The following ADRA1A variants were observed in gnomAD, a reference collection of about 807,000 sequenced individuals.
ADRA1A encodes alpha-1A adrenergic receptor.
In ADRA1A, 31 loss-of-function variants were observed where a neutral mutation model predicts 29.6. The ratio of observed to expected loss-of-function variants is 1.05; its 90% CI spans 0.79 to 1.41. The LOEUF (loss-of-function observed/expected upper bound fraction) is 1.41. Ranked by LOEUF, ADRA1A falls within the 40% of genes most tolerant of loss-of-function variation. ADRA1A has a pLI of 0.00. For synonymous variants in ADRA1A, 311 were observed against 254.3 expected, an observed-to-expected ratio of 1.22 and a Z score of -2.12; for missense variants, 619 against 601.1, an observed-to-expected ratio of 1.03 and a Z score of -0.31.
downstream of ADRA1A, chr8:26,765,794 C>T: frequency 7.8e-7 from 1 of 1,283,860 alleles, no homozygotes; most frequent in South Asian, 2.4e-5. Context: ...AGGACCTGAG[C>T]AGACCAGCCC....
At chr8:26,858,809 C>T (rs1342744893) in intron 2 of ADRA1A, among the ~76,000 whole-genome samples, 1 of 152,180 alleles carries the variant, frequency 6.6e-6, no homozygotes, top group Non-Finnish European at 1.5e-5. Context: ...GCACCCCCCT[C>T]CCTTGAAGGC....
chr8:26,866,920 G>C lies in ADRA1A; in HGVS notation c.-687+16C>G. On this transcript the variant is annotated intron_variant, in intron 1 of 2. Transcript: ENST00000380573. This position sits in a 1 kb window ranked among gnomAD's most constrained non-coding sequence, Gnocchi z 5.7. The stretch of plus-strand genomic sequence containing the variant: ...ACCCACTCGGCCCTGCGGGACGCCG[G>C]CCCCGGCGCACTCACCTGAAGCGCC... 1 of 985,402 alleles carries C rather than the reference G, an allele frequency of 1.0e-6. No individual in the cohort carries two copies. Among genetic ancestry groups the C allele is most frequent in the Non-Finnish European group, 1.2e-6 (1 of 829,960 alleles). The allele number at this position is 985,402 out of a possible 1,614,324, so 61.0% of individuals were successfully genotyped here.
At position 26,815,847 on chromosome 8, in the gene ADRA1A, A is replaced by G. The variant is rs898601905; in HGVS notation, c.884-45181T>C. The stretch of plus-strand genomic sequence containing the variant: ...CTATAAAACAAAGGGTAAGGCAGTG[A>G]GTGATTAAGTGCTAATGCTTCTCTG... On this transcript the variant is annotated intron_variant, in intron 2 of 2. Transcript: ENST00000380573. The surrounding 1 kb of genome is among the most constrained non-coding windows in gnomAD (Gnocchi z 4.2). Among the ~76,000 whole-genome samples the G allele has an allele frequency of 6.6e-6, 1 of 152,218 alleles. No homozygotes were observed. Among genetic ancestry groups the G allele is most frequent in the African/African-American group, 2.4e-5 (1 of 41,456 alleles).
At chr8:26,799,907 C>G (rs963476655) in intron 2 of ADRA1A, among the ~76,000 whole-genome samples, 5 of 152,038 alleles carry the variant, frequency 3.3e-5, no homozygotes, top group Non-Finnish European at 7.4e-5. Context: ...ATTGCCAATT[C>G]AATGTGAAAA....
downstream of ADRA1A, chr8:26,766,033 T>C (rs1258171632): frequency 6.2e-7 from 1 of 1,613,048 alleles, no homozygotes; most frequent in Non-Finnish European, 8.5e-7. Context: ...ACTGCCTAGG[T>C]CTCCAGCTAC....
chr8:26,824,446 C>G (rs1249687984), intron 2 of ADRA1A, among the ~76,000 whole-genome samples: 2 of 152,102 alleles, frequency 1.3e-5, no homozygotes, highest in Non-Finnish European at 2.9e-5. Flanking sequence ...GGCCATGATA[C>G]CAACATTGTA....
intron 2 of ADRA1A, 127 bp downstream of exon 2, chr8:26,863,960 G>A (rs1813664665): frequency 2.1e-6 from 2 of 960,856 alleles, no homozygotes; most frequent in Admixed American, 2.9e-5. Context: ...TTTTCTAATT[G>A]CCCTAGAGCT....
In ADRA1A at chr8:26,769,591, C is replaced by T. The variant is rs990523521; in HGVS notation, c.*558G>A. 1 of 985,432 alleles carries T rather than the reference C, an allele frequency of 1.0e-6. No individual in the cohort carries two copies. The highest frequency in any genetic ancestry group is 1.7e-5 in the African/African-American group (1 of 57,240). The allele number at this position is 985,432 out of a possible 1,614,324, so 61.0% of individuals were successfully genotyped here. A position where few individuals can be genotyped will look rare whatever the true frequency, so the allele number is the denominator to read the frequency against. On this transcript the variant is annotated 3_prime_UTR_variant, in exon 3 of 3. Coordinates refer to ENST00000380573, the MANE Select transcript of ADRA1A (RefSeq NM_000680.4). ...GTAAACCTCACTGCCAAGTTTCCCT[C>T]AAGCTGAGAAATTGGATGTATCAGA...
intron 2 of ADRA1A, among the ~76,000 whole-genome samples, chr8:26,843,992 GT>G (rs1812025150): frequency 6.6e-6 from 1 of 152,212 alleles, no homozygotes; most frequent in Non-Finnish European, 1.5e-5. Context: ...AATCATGGGA[GT>G]TTTGAGCATC....
chr8:26,855,219 G>GTGTGTGTA (rs1812943742), intron 2 of ADRA1A, among the ~76,000 whole-genome samples: 1 of 151,396 alleles, frequency 6.6e-6, no homozygotes, highest in Non-Finnish European at 1.5e-5. Flanking sequence ...GTGCATGCAT[G>GTGTGTGTA]TGTGTGTGTG....
downstream of ADRA1A, among the ~76,000 whole-genome samples, chr8:26,767,368 A>G (rs533811739): frequency 6.6e-6 from 1 of 152,318 alleles, no homozygotes; most frequent in South Asian, 2.1e-4. Flanking sequence ...GCTTAAAGGT[A>G]CAGAGATTTA....
At position 26,770,607 on chromosome 8, in the gene ADRA1A, C is replaced by T. The variant is rs756970856; in HGVS notation, c.943G>A (p.Gly315Arg). ...ETVFKIVFWL[G>R]YLNSCINPII... ...GGGTTGATGCAGCTGTTTAGATATC[C>T]GAGCCAAAATACTATTTTAAAAACT... Residue 315 changes from glycine (G) to arginine (R), a missense_variant, in exon 3 of 3, where the codon GGA (glycine) becomes AGA (arginine). Transcript: ENST00000380573. 1.4e-5 allele frequency: 23 copies of T among 1,613,872 alleles called. No homozygotes were observed. The highest frequency in any genetic ancestry group is 1.6e-4 in the Middle Eastern group (1 of 6,084).
At chr8:26,854,989 C>T (rs1051669585) in intron 2 of ADRA1A, among the ~76,000 whole-genome samples, 4 of 152,176 alleles carry the variant, frequency 2.6e-5, no homozygotes, top group African/African-American at 9.7e-5. Context: ...GAAGGTAGGT[C>T]TTCTTCAGAC....
chr8:26,827,780 G>A lies in ADRA1A; in HGVS notation c.883+36307C>T, dbSNP rs529324283. 7.2e-5 allele frequency among the ~76,000 whole-genome samples: 11 copies of A among 152,256 alleles called. No individual in the cohort carries two copies. In the East Asian group the frequency reaches 2.1e-3, roughly 29 times the overall value. Reference sequence around the variant, plus strand: ...CACTTCCCAAAGGTCTCACTTCCTAGTACTATTACATTGGTGATTAGGTTT... The same window carrying A: ...CACTTCCCAAAGGTCTCACTTCCTAATACTATTACATTGGTGATTAGGTTT... On this transcript the variant is annotated intron_variant, in intron 2 of 2. Transcript: ENST00000380573.
chr8:26,853,415 T>C (rs564128001), intron 2 of ADRA1A, among the ~76,000 whole-genome samples: 32 of 152,238 alleles, frequency 2.1e-4, no homozygotes, highest in Middle Eastern at 3.4e-3. Context: ...GAATGTACAA[T>C]AGACAAAATA....
downstream of ADRA1A, among the ~76,000 whole-genome samples, chr8:26,764,788 T>G (rs1219676914): frequency 6.6e-6 from 1 of 152,234 alleles, no homozygotes; most frequent in East Asian, 1.9e-4. Flanking sequence ...CTTAGCTTTC[T>G]CTCTACTGCG....
rs368862425 is a variant in ADRA1A at position 26,770,486 on chromosome 8, G to T, written c.1064C>A (p.Ala355Asp). The change falls in exon 3 of 3, where the codon GCC becomes GAC. Residue 355 changes from alanine to aspartate, a missense_variant. Ala to Asp is a moderately radical substitution (Grantham distance 126). Coordinates refer to ENST00000380573, the MANE Select transcript of ADRA1A (RefSeq NM_000680.4). ...GGGCGGGTGCAGGGTGTAGCCCAGG[G>T]CATGTTTGGAAGACTGCTTTCTGCA... is the stretch of plus-strand genomic sequence containing the variant. ...CLCRKQSSKH[A>D]LGYTLHPPSQ... 2.8e-5 allele frequency: 45 copies of T among 1,614,194 alleles called. No individual in the cohort carries two copies. Among genetic ancestry groups the T allele is most frequent in the Non-Finnish European group, 3.7e-5 (44 of 1,180,038 alleles).
intron 2 of ADRA1A, among the ~76,000 whole-genome samples, chr8:26,776,864 G>A (rs1806584049): frequency 6.6e-6 from 1 of 152,164 alleles, no homozygotes; most frequent in Non-Finnish European, 1.5e-5. Context: ...CATGACCATG[G>A]GAGAAAATAA....
chr8:26,844,047 CA>C (rs1423947923), intron 2 of ADRA1A, among the ~76,000 whole-genome samples: 1 of 152,146 alleles, frequency 6.6e-6, no homozygotes, highest in African/African-American at 2.4e-5. Context: ...ATTCCTTTTC[CA>C]AAAACTTTGG....
Sources: allele counts gnomAD v4.1 joint callset (sites outside exome capture counted in the v4.1 genomes callset), GRCh38; gene constraint gnomAD v4.1.1; non-coding constraint Gnocchi (gnomAD v3.1); transcripts MANE v1.5; gene names NCBI Gene and HGNC (gene_info 2026-07-23, HGNC 2026-07-21).